Variants in PDIA5 observed in about 807,000 individuals in gnomAD.
The protein encoded by PDIA5 is protein disulfide-isomerase A5.
Under a neutral mutation model 77.6 loss-of-function variants are expected in PDIA5, and 58 were observed. The observed-to-expected ratio is 0.75, with a 90% CI of 0.61 to 0.93. PDIA5 has a LOEUF of 0.93. Among genes scored for constraint, PDIA5 ranks in the 40% least tolerant of loss-of-function variants. The pLI is 0.00. For synonymous variants in PDIA5, 250 were observed against 252.1 expected (o/e 0.99, Z 0.08); for missense variants, 630 against 647.7 (o/e 0.97, Z 0.30).
chr3:123,096,470 TGC>T (rs1482224246), intron 3 of PDIA5, among the ~76,000 whole-genome samples: 19 of 152,176 alleles, frequency 1.2e-4, no homozygotes, highest in African/African-American at 3.4e-4. Flanking sequence ...ATTACAGGCA[TGC>T]GCCACCGTGC....
Position 123,155,036 on chromosome 3 carries a change from C to G in PDIA5, c.1339C>G (p.Arg447Gly). The G allele has an allele frequency of 8.1e-6, 13 of 1,605,624 alleles. No homozygotes were observed. Among genetic ancestry groups the G allele is most frequent in the Non-Finnish European group, 1.1e-5 (13 of 1,172,280 alleles). ...TATADAFKDDRKIACAAVDCV... is the reference protein window; with the variant it reads ...TATADAFKDDGKIACAAVDCV... ...TACTGCTGATGCCTTCAAAGATGAC[C>G]GAAAGGTAAGGACAGCGCTCTTCAT... Residue 447 changes from arginine (R) to glycine (G), a missense_variant, in exon 15 of 17, where the codon CGA becomes GGA. Transcript: ENST00000316218.
At chr3:123,077,442 G>A (rs1357501215) in intron 1 of PDIA5, among the ~76,000 whole-genome samples, 2 of 151,960 alleles carry the variant, frequency 1.3e-5, no homozygotes, top group African/African-American at 4.8e-5. Flanking sequence ...TTCCTTGCCA[G>A]GTGCTTTTGC....
chr3:123,120,048 T>A (rs1414889111), intron 8 of PDIA5, among the ~76,000 whole-genome samples: 1 of 152,208 alleles, frequency 6.6e-6, no homozygotes, highest in African/African-American at 2.4e-5. Flanking sequence ...GACATCCTCA[T>A]TAGCAGCCAC....
At chr3:123,108,132 G>T (rs951940842) in intron 6 of PDIA5, among the ~76,000 whole-genome samples, 2 of 152,076 alleles carry the variant, frequency 1.3e-5, no homozygotes, top group Admixed American at 1.3e-4. Flanking sequence ...TGGCCCAGAA[G>T]AAAATGATGC....
chr3:123,118,386 C>G (rs1276338384), intron 8 of PDIA5, among the ~76,000 whole-genome samples: 1 of 152,196 alleles, frequency 6.6e-6, no homozygotes, highest in Admixed American at 6.5e-5. Context: ...ACTTAGAAAT[C>G]TGCTCAGCTC....
At chr3:123,115,773 T>C (rs1576449770) in intron 7 of PDIA5, among the ~76,000 whole-genome samples, 1 of 152,238 alleles carries the variant, frequency 6.6e-6, no homozygotes, top group African/African-American at 2.4e-5. Flanking sequence ...AAAGTGATCG[T>C]ATTCGTGGTC....
At chr3:123,137,184 C>A (rs1385483720) in intron 11 of PDIA5, among the ~76,000 whole-genome samples, 1 of 152,200 alleles carries the variant, frequency 6.6e-6, no homozygotes, top group African/African-American at 2.4e-5. Context: ...TTTGTCCTTG[C>A]AGCCATGGAT....
At chr3:123,146,078 T>C in intron 12 of PDIA5, 21 bp from the exon 13 acceptor site, 1 of 1,612,796 alleles carries the variant, frequency 6.2e-7, no homozygotes, top group Non-Finnish European at 8.5e-7. Context: ...TAATGCATGG[T>C]TGGCCTTTCC....
At chr3:123,106,692 C>T (rs1443470584) in intron 5 of PDIA5, 57 bp from the exon 6 acceptor site, 12 of 1,255,412 alleles carry the variant, frequency 9.6e-6, no homozygotes, top group Non-Finnish European at 1.4e-5. Flanking sequence ...CCTGATTCCC[C>T]CACCTCCCTC....
At chr3:123,128,176 C>T (rs964423957) in intron 10 of PDIA5, among the ~76,000 whole-genome samples, 3 of 152,228 alleles carry the variant, frequency 2.0e-5, no homozygotes, top group Admixed American at 6.5e-5. Flanking sequence ...TGTTTTCAGC[C>T]ACAGGCTATA....
At chr3:123,143,054 T>TAAAAA (rs1452978086) in intron 11 of PDIA5, among the ~76,000 whole-genome samples, 11 of 151,514 alleles carry the variant, frequency 7.3e-5, no homozygotes, top group African/African-American at 2.2e-4. Context: ...CATGGGGAGG[T>TAAAAA]ACAAGGTAAA....
chr3:123,150,971 C>T (rs1560560408), intron 14 of PDIA5, among the ~76,000 whole-genome samples: 1 of 152,246 alleles, frequency 6.6e-6, no homozygotes, highest in East Asian at 1.9e-4. Flanking sequence ...TTCCCACTCT[C>T]TGCTGCCCTT....
chr3:123,150,585 G>A (rs1935870417), intron 14 of PDIA5, among the ~76,000 whole-genome samples: 1 of 152,092 alleles, frequency 6.6e-6, no homozygotes, highest in African/African-American at 2.4e-5. Flanking sequence ...TTCCTTTGGG[G>A]CAGCCTTTCT....
At chr3:123,076,126 C>G (rs1448984989) in intron 1 of PDIA5, among the ~76,000 whole-genome samples, 1 of 152,088 alleles carries the variant, frequency 6.6e-6, no homozygotes, top group Non-Finnish European at 1.5e-5. Flanking sequence ...GGACAGCAGA[C>G]TTGCCAGCCT....
Position 123,067,476 on chromosome 3 carries a change from C to A in PDIA5, c.42+270C>A, listed in dbSNP as rs1933600672. 5 of 384,286 alleles carry A rather than the reference C, an allele frequency of 1.3e-5. No individual in the cohort carries two copies. In the East Asian group the frequency reaches 1.8e-4, roughly 14 times the overall value. The allele number at this position is 384,286 out of a possible 1,614,324, so 23.8% of individuals were successfully genotyped here. A position where few individuals can be genotyped will look rare whatever the true frequency, so the allele number is the denominator to read the frequency against. On this transcript the variant is annotated intron_variant, in intron 1 of 16. Coordinates refer to ENST00000316218, the MANE Select transcript of PDIA5 (RefSeq NM_006810.4). ...CCTGGCAGGGTGCTTACGCCACGGC[C>A]ACAACTTTGCGGGGATGCAGGTCGG... is the stretch of plus-strand genomic sequence containing the variant.
Position 123,151,899 on chromosome 3 carries a change from G to A in PDIA5, c.1273+1535G>A, listed in dbSNP as rs1364403375. On this transcript the variant is annotated intron_variant, in intron 14 of 16. Transcript: ENST00000316218. ...CGCCTTCCTGCCTGCCTTCCTTCCTGCCTGCCTTCCTTCCTGCCTTCCTTC... is the reference window on the plus strand; with the variant it reads ...CGCCTTCCTGCCTGCCTTCCTTCCTACCTGCCTTCCTTCCTGCCTTCCTTC... Among the ~76,000 whole-genome samples the A allele has an allele frequency of 5.0e-3, 607 of 120,702 alleles. 11 individuals are homozygous for A. Among genetic ancestry groups the A allele is most frequent in the African/African-American group, 0.018 (563 of 32,060 alleles). 79.2% of individuals were successfully genotyped at this position (120,702 alleles called of 152,430 possible). A position where few individuals can be genotyped will look rare whatever the true frequency, so the allele number is the denominator to read the frequency against.
At chr3:123,091,952 C>A (rs112350556) in intron 2 of PDIA5, among the ~76,000 whole-genome samples, 2 of 152,330 alleles carry the variant, frequency 1.3e-5, no homozygotes, top group African/African-American at 4.8e-5. Context: ...CAACATCATT[C>A]CCTGCTTTAG....
chr3:123,150,200 A>G (rs1437809071), intron 13 of PDIA5, 34 bp from the exon 14 acceptor site: 13 of 1,573,404 alleles, frequency 8.3e-6, no homozygotes, highest in Non-Finnish European at 1.0e-5. Flanking sequence ...ATCTCTCCTT[A>G]TGGCTGCCTC....
At chr3:123,157,649 G>C (rs1936050282) in intron 15 of PDIA5, among the ~76,000 whole-genome samples, 1 of 152,158 alleles carries the variant, frequency 6.6e-6, no homozygotes, top group Non-Finnish European at 1.5e-5. Context: ...CATTTTCATA[G>C]CCAAAGTCAA....
Sources: allele counts gnomAD v4.1 joint callset (sites outside exome capture counted in the v4.1 genomes callset), GRCh38; gene constraint gnomAD v4.1.1; transcripts MANE v1.5; gene names NCBI Gene and HGNC (gene_info 2026-07-23, HGNC 2026-07-21).